ADGRA2: variants seen among roughly 807,000 people sequenced by gnomAD.
The protein encoded by ADGRA2 is adhesion G protein-coupled receptor A2, also known as G-protein coupled receptor 124.
ADGRA2 carries 61 observed loss-of-function variants against 98.7 expected under a neutral mutation model. The ratio of observed to expected loss-of-function variants is 0.62; its 90% CI spans 0.50 to 0.76. ADGRA2 has a LOEUF of 0.76. ADGRA2 is among the 30% of genes least tolerant of loss of function. The pLI is 0.00. For missense variants in ADGRA2, 1,712 were observed against 1,860.0 expected, an observed-to-expected ratio of 0.92 and a Z score of 1.46; for synonymous variants, 858 against 831.5, an observed-to-expected ratio of 1.03 and a Z score of -0.55.
chr8:37,843,580 G>C lies in ADGRA2; in HGVS notation c.*1225G>C, dbSNP rs192935735. 229 of 152,286 alleles carry C rather than the reference G, an allele frequency of 1.5e-3. 2 individuals carry two copies. The highest frequency in any genetic ancestry group is 5.3e-3 in the African/African-American group (221 of 41,556). The allele number at this position is 152,286 out of a possible 1,614,324, so 9.4% of individuals were successfully genotyped here. ...CCGAGGGAACCCTGGGTCTTGGGAAGAACAACAGGAAACCAAGGTCTGACC... is the reference window on the plus strand; with the variant it reads ...CCGAGGGAACCCTGGGTCTTGGGAACAACAACAGGAAACCAAGGTCTGACC... On this transcript the variant is annotated 3_prime_UTR_variant, in exon 19 of 19. Transcript: ENST00000412232.
rs199845696 is a variant in ADGRA2, at chr8:37,833,733, C to T, written c.1342C>T (p.Arg448Cys). Residue 448 changes from arginine to cysteine, a missense_variant, in exon 10 of 19, where the codon CGC becomes TGC. Physicochemically the swap from Arg to Cys is radical, Grantham distance 180. Coordinates refer to ENST00000412232, the MANE Select transcript of ADGRA2 (RefSeq NM_032777.10). The stretch of plus-strand genomic sequence containing the variant: ...TGCGCTGACCCTGGCTCACCAGCTG[C>T]GCGTGTACACAGCCGAGGCCGCTAG... ...SNALTLAHQL[R>C]VYTAEAASFS... 1.7e-5 allele frequency: 27 copies of T among 1,614,136 alleles called. No homozygotes were observed. The East Asian group carries it at 2.2e-4, about 13-fold the overall frequency.
rs550805835 is a variant in ADGRA2, at chr8:37,809,445, G to A, written c.267-5451G>A. On this transcript the variant is annotated intron_variant, in intron 1 of 18. Coordinates refer to ENST00000412232, the MANE Select transcript of ADGRA2 (RefSeq NM_032777.10). ...GGAGGCCCCTCTCTGGATAATCTAG[G>A]TCTAGAGTAAACTTCCTCAGACCTC... Among the ~76,000 whole-genome samples the A allele has an allele frequency of 3.6e-4, 55 of 152,274 alleles. 2 individuals are homozygous for A. In the South Asian group the frequency reaches 9.8e-3, roughly 27 times the overall value.
In ADGRA2 at chr8:37,831,605, C is replaced by T; in HGVS notation, c.1097+18C>T. The T allele has an allele frequency of 6.2e-7, 1 of 1,610,156 alleles. No individual in the cohort carries two copies. The highest frequency in any genetic ancestry group is 1.3e-5 in the African/African-American group (1 of 75,008). ...GACTTCAGGTTTGGCCCACTCCACC[C>T]TGTAGAGGGCTGCCCAGCCCCCAAC... On this transcript the variant is annotated intron_variant, in intron 8 of 18. Coordinates refer to ENST00000412232, the MANE Select transcript of ADGRA2 (RefSeq NM_032777.10).
intron 2 of ADGRA2, among the ~76,000 whole-genome samples, chr8:37,818,285 G>T (rs1312437692): frequency 1.3e-5 from 2 of 152,198 alleles, no homozygotes; most frequent in African/African-American, 2.4e-5. Flanking sequence ...ACACACAAGT[G>T]AGAAGGTACT....
chr8:37,844,812 CG>C lies in ADGRA2; in HGVS notation c.*2458del. The C allele has an allele frequency of 1.2e-6, 2 of 1,614,166 alleles. No homozygotes were observed. The highest frequency in any genetic ancestry group is 8.5e-7 in the Non-Finnish European group (1 of 1,180,040). On this transcript the variant is annotated 3_prime_UTR_variant, in exon 19 of 19. Transcript: ENST00000412232. The stretch of plus-strand genomic sequence containing the variant: ...GGTCTCCACTTCTGCTGTCCCATCC[CG>C]AAAGGCAGAGCGGACCAGTGACTGG...
intron 15 of ADGRA2, chr8:37,839,295 C>A: frequency 1.4e-6 from 1 of 703,282 alleles, no homozygotes; most frequent in Non-Finnish European, 1.7e-6. Context: ...GGTGGGTCCA[C>A]ATGACTTTCT....
chr8:37,828,850 G>C (rs370777523), intron 2 of ADGRA2, 38 bp from the exon 3 acceptor site: 141 of 1,550,362 alleles, frequency 9.1e-5, no homozygotes, highest in Non-Finnish European at 1.2e-4. Context: ...CGGCTCCAGC[G>C]GGGAGAGGTG....
At chr8:37,804,128 C>CCACACACACAT (rs573583528) in intron 1 of ADGRA2, among the ~76,000 whole-genome samples, 190 of 149,264 alleles carry the variant, frequency 1.3e-3, no homozygotes, top group Middle Eastern at 3.5e-3. Context: ...CACACACACA[C>CCACACACACAT]ACACACACAC....
intron 1 of ADGRA2, among the ~76,000 whole-genome samples, chr8:37,806,145 C>T (rs868586975): frequency 6.6e-6 from 1 of 152,192 alleles, no homozygotes; most frequent in Non-Finnish European, 1.5e-5. Context: ...CACAGACACA[C>T]ACATAGATGA....
intron 2 of ADGRA2, among the ~76,000 whole-genome samples, chr8:37,824,238 T>C (rs562494535): frequency 2.6e-5 from 4 of 151,958 alleles, no homozygotes; most frequent in South Asian, 2.1e-4. Context: ...ACCATGTTAG[T>C]CAGGCTGGTC....
Position 37,835,254 on chromosome 8 carries a change from G to A in ADGRA2, c.1689G>A (p.Arg563=), listed in dbSNP as rs766884393. 6.2e-7 allele frequency: 1 copy of A among 1,613,442 alleles called. No individual in the cohort carries two copies. Residue 563 remains arginine (R), a synonymous_variant, in exon 12 of 19, where the codon AGG becomes AGA. Transcript: ENST00000412232. ...YVGLTCTAFQ[R]REGGVPGTRP... ...GCCTGACCTGCACAGCCTTCCAGAG[G>A]AGGGAGGGAGGGGTGCCGGGCACAC... is the stretch of plus-strand genomic sequence containing the variant.
At chr8:37,810,569 C>T (rs545009985) in intron 1 of ADGRA2, among the ~76,000 whole-genome samples, 12 of 152,238 alleles carry the variant, frequency 7.9e-5, no homozygotes, top group Middle Eastern at 6.8e-3. Context: ...GCAATCACAG[C>T]TCACTGCAGC....
intron 15 of ADGRA2, 167 bp from the exon 16 acceptor site, chr8:37,839,332 T>A (rs1450169200): frequency 1.2e-6 from 1 of 861,790 alleles, no homozygotes; most frequent in Non-Finnish European, 1.4e-6. Context: ...GGGGTTGGAA[T>A]CACTTTGAGG....
rs1805764286 is a variant in ADGRA2 at position 37,840,760 on chromosome 8, G to A, written c.2658G>A (p.Arg886=). 1.3e-6 allele frequency: 2 copies of A among 1,564,410 alleles called. No individual in the cohort carries two copies. The highest frequency in any genetic ancestry group is 3.3e-5 in the Admixed American group (2 of 59,782). Residue 886 remains arginine, a splice_region_variant and synonymous_variant, in exon 18 of 19, where the codon CGG becomes CGA. Coordinates refer to ENST00000412232, the MANE Select transcript of ADGRA2 (RefSeq NM_032777.10). Reference sequence around the variant, plus strand: ...ACCCCCAATCCCTCATTCCCTCCAGGTTCTATTTGATCGCTGGAGGGATTC... The same window carrying A: ...ACCCCCAATCCCTCATTCCCTCCAGATTCTATTTGATCGCTGGAGGGATTC... ...PALPTPSPML[R]FYLIAGGIPL...
intron 1 of ADGRA2, among the ~76,000 whole-genome samples, chr8:37,805,666 G>A (rs1804637705): frequency 6.6e-6 from 1 of 151,812 alleles, no homozygotes; most frequent in Non-Finnish European, 1.5e-5. Context: ...TCAGGAGTTC[G>A]AGACCATCCT....
rs1322865383 is a variant in ADGRA2, at chr8:37,838,987, G to A, written c.2291G>A (p.Gly764Asp). Residue 764 changes from glycine to aspartate, a missense_variant, in exon 15 of 19, where the codon GGC (glycine) becomes GAC (aspartate). Transcript: ENST00000412232. ...ELSAFPREVG[G>D]AGAGLHPVVY... ...AGCGCCTTTCCCAGGGAGGTGGGGG[G>A]CGCCGGGGCAGGGCTGCACCCCGTG... The A allele has an allele frequency of 1.9e-6, 3 of 1,575,338 alleles. No homozygotes were observed. The highest frequency in any genetic ancestry group is 3.7e-5 in the Admixed American group (2 of 54,612).
rs1233898460 is a variant in ADGRA2, at chr8:37,842,542, A to G, written c.*187A>G. ...CTCTGGGGTAGCGACAGACAATCCC[A>G]GAAACACGCATAATACATTTCCGTC... On this transcript the variant is annotated 3_prime_UTR_variant, in exon 19 of 19. Coordinates refer to ENST00000412232, the MANE Select transcript of ADGRA2 (RefSeq NM_032777.10). The G allele has an allele frequency of 2.0e-6, 2 of 997,680 alleles. No homozygotes were observed. The highest frequency in any genetic ancestry group is 2.6e-5 in the South Asian group (1 of 38,124). The allele number at this position is 997,680 out of a possible 1,614,324, so 61.8% of individuals were successfully genotyped here.
chr8:37,837,398 C>T (rs1437060217), intron 13 of ADGRA2, among the ~76,000 whole-genome samples: 3 of 128,258 alleles, frequency 2.3e-5, no homozygotes, highest in Non-Finnish European at 4.7e-5. Flanking sequence ...GGCTTCTGTT[C>T]CCTCCATCTG....
chr8:37,811,976 A>G (rs1025050206), intron 1 of ADGRA2, among the ~76,000 whole-genome samples: 1 of 151,696 alleles, frequency 6.6e-6, no homozygotes, highest in African/African-American at 2.4e-5. Context: ...GGTGACGGGC[A>G]CCTGTAATCC....
Sources: gnomAD v4.1 joint callset for allele counts (sites outside exome capture counted in the v4.1 genomes callset) on GRCh38, gnomAD v4.1.1 for gene constraint, MANE v1.5 for transcripts, NCBI Gene and HGNC (gene_info 2026-07-23, HGNC 2026-07-21) for gene names.